Variants in NEB observed in about 807,000 individuals in gnomAD.
The protein encoded by NEB is nemaline myopathy type 2.
Under a neutral mutation model 952.2 loss-of-function variants are expected in NEB, and 512 were observed. The observed-to-expected ratio is 0.54, with a 90% confidence interval of 0.50 to 0.58. The LOEUF (loss-of-function observed/expected upper bound fraction) is 0.58, where lower values mean the gene tolerates loss of function less well. Among genes scored for constraint, NEB ranks in the 20% least tolerant of loss-of-function variants. The pLI, the probability that NEB is intolerant of heterozygous loss-of-function variation, is 0.00. For synonymous variants in NEB, 2,900 were observed against 3,149.8 expected (o/e 0.92, Z 2.66); for missense variants, 8,428 against 9,231.1 (o/e 0.91, Z 3.56).
intron 34 of NEB, 83 bp from the exon 35 acceptor site, chr2:151,675,474 C>G (rs1411229696): frequency 1.1e-6 from 1 of 901,062 alleles, no homozygotes; most frequent in African/African-American, 1.7e-5. Context: ...AGCACAATCA[C>G]CCATGATTTT....
Position 151,643,248 on chromosome 2 carries a change from G to A in NEB, c.8062C>T (p.His2688Tyr), listed in dbSNP as rs1352275751. Residue 2688 changes from histidine to tyrosine, a missense_variant, in exon 58 of 182, where the codon CAT becomes TAT. By Grantham distance (83) the His-to-Tyr change is moderately conservative. Around this residue, in one of 11 missense-constraint regions of NEB, gnomAD observed 1,772 missense variants for 1,960.3 expected, o/e 0.90. Coordinates refer to ENST00000397345, the MANE Select transcript of NEB (RefSeq NM_001164508.2). The stretch of plus-strand genomic sequence containing the variant: ...TGATCTGGGTGCTGACGGTAAACAT[G>A]GTCACTCAAAATCTGGGTGGCTCGT... ...NKRATQILSD[H>Y]VYRQHPDQFK... 6.2e-7 allele frequency: 1 copy of A among 1,613,806 alleles called. No homozygotes were observed.
chr2:151,500,593 CTTTT>C (rs11428843), intron 168 of NEB, among the ~76,000 whole-genome samples: 1 of 118,450 alleles, frequency 8.4e-6, no homozygotes, highest in Non-Finnish European at 1.7e-5. Flanking sequence ...TTCTTTCTTC[CTTTT>C]TTTTTTTTTT....
At chr2:151,682,477 A>T (rs188234435) in intron 29 of NEB, among the ~76,000 whole-genome samples, 185 bp downstream of exon 29, 95 of 152,352 alleles carry the variant, frequency 6.2e-4, no homozygotes, top group African/African-American at 2.2e-3. Flanking sequence ...GGAATGGTTA[A>T]CATAAATGAT....
At chr2:151,488,271 T>A (rs1406557544) in intron 181 of NEB, among the ~76,000 whole-genome samples, 2 of 152,164 alleles carry the variant, frequency 1.3e-5, no homozygotes, top group Non-Finnish European at 2.9e-5. Context: ...TAGAAACATT[T>A]AAAATTTTAT....
intron 135 of NEB, among the ~76,000 whole-genome samples, chr2:151,542,858 C>G (rs1411860401): frequency 2.6e-5 from 4 of 152,112 alleles, no homozygotes; most frequent in African/African-American, 9.7e-5. Flanking sequence ...TATATAACAC[C>G]TACAAGTCTT....
chr2:151,625,425 G>A (rs565866686), intron 71 of NEB, 109 bp downstream of exon 71: 81 of 738,590 alleles, frequency 1.1e-4, no homozygotes, highest in South Asian at 4.4e-4. Flanking sequence ...GGCATAAAAA[G>A]CCAACTAAGC....
intron 30 of NEB, 31 bp downstream of exon 30, chr2:151,680,699 C>G (rs745386924): frequency 7.0e-7 from 1 of 1,423,016 alleles, no homozygotes; most frequent in East Asian, 2.3e-5. Flanking sequence ...TAGTTAACAT[C>G]TATTAACATA....
At chr2:151,514,970 T>G (rs1365669117) in intron 157 of NEB, 42 bp from the exon 158 acceptor site, 4 of 1,287,764 alleles carry the variant, frequency 3.1e-6, no homozygotes, top group Admixed American at 4.1e-5. Flanking sequence ...AAAAAAATCT[T>G]TATTACAATA....
Position 151,675,348 on chromosome 2 carries a change from G to A in NEB, c.3818C>T (p.Thr1273Ile), listed in dbSNP as rs1280875876. ...AAACTGAGGAAGATCAGGACTCATG[G>A]TGTATTTATGTTTCACATCTTCTCC... ...AKGEDVKHKY[T>I]MSPDLPQFLQ... Residue 1273 changes from threonine (T) to isoleucine (I), a missense_variant, in exon 35 of 182, where the codon ACC becomes ATC. Transcript: ENST00000397345. The A allele has an allele frequency of 6.3e-7, 1 of 1,592,134 alleles. No homozygotes were observed. Among genetic ancestry groups the A allele is most frequent in the African/African-American group, 1.3e-5 (1 of 74,780 alleles).
At chr2:151,504,344 C>T (rs1187522207) in intron 165 of NEB, among the ~76,000 whole-genome samples, 1 of 152,064 alleles carries the variant, frequency 6.6e-6, no homozygotes, top group African/African-American at 2.4e-5. Flanking sequence ...TACTCTTCAC[C>T]CAACAAAGCA....
chr2:151,500,890 C>T (rs574547229), intron 168 of NEB, among the ~76,000 whole-genome samples: 15 of 152,098 alleles, frequency 9.9e-5, no homozygotes, highest in African/African-American at 2.2e-4. Context: ...TGAGCCACCA[C>T]GCCTGGCCCC....
chr2:151,620,845 C>T, intron 72 of NEB, 74 bp downstream of exon 72: 1 of 1,183,028 alleles, frequency 8.5e-7, no homozygotes, highest in Admixed American at 2.1e-5. Context: ...TGGATGATGA[C>T]CAAAGAGACA....
rs182862081 is a variant in NEB, at chr2:151,571,194, A to G, written c.17014-593T>C. Among the ~76,000 whole-genome samples, 727 of 152,222 alleles carry G rather than the reference A, an allele frequency of 4.8e-3. 11 individuals are homozygous for G. The East Asian group carries it at 0.048, about 10-fold the overall frequency. On this transcript the variant is annotated intron_variant, in intron 107 of 181. Coordinates refer to ENST00000397345, the MANE Select transcript of NEB (RefSeq NM_001164508.2). ...CTAATTTTGTATTTTTAGTAGAGAC[A>G]GGGTTTCTCCATGTTGGTCAGGCTG...
At chr2:151,618,125 T>G (rs113766142) in intron 74 of NEB, 150 bp downstream of exon 74, 14,890 of 714,030 alleles carry the variant, frequency 0.021, 232 homozygotes, top group Non-Finnish European at 0.027. Flanking sequence ...TTTTGAAGTA[T>G]CACTAAGTAA....
chr2:151,630,129 T>G (rs990823135), intron 67 of NEB, among the ~76,000 whole-genome samples: 1 of 152,198 alleles, frequency 6.6e-6, no homozygotes, highest in Admixed American at 6.5e-5. Flanking sequence ...TAAGAAAAAT[T>G]AAAATATAAC....
intron 124 of NEB, among the ~76,000 whole-genome samples, chr2:151,557,788 T>C (rs1032253279): frequency 3.3e-5 from 5 of 152,168 alleles, no homozygotes; most frequent in Non-Finnish European, 7.4e-5. Flanking sequence ...TCTCAATAGA[T>C]ACAGAAAAGG....
chr2:151,663,443 T>C (rs2099169241), intron 45 of NEB, 105 bp downstream of exon 45: 9 of 1,120,916 alleles, frequency 8.0e-6, no homozygotes, highest in South Asian at 3.4e-5. Context: ...TGTTGGGAAA[T>C]TGCAGATGAA....
intron 161 of NEB, among the ~76,000 whole-genome samples, chr2:151,511,150 G>A (rs2153231421): frequency 6.6e-6 from 1 of 152,306 alleles, no homozygotes; most frequent in Non-Finnish European, 1.5e-5. Context: ...AAAGCAGAAG[G>A]TAAAAGGCTG....
At chr2:151,730,789 T>C (rs112126396) in intron 3 of NEB, among the ~76,000 whole-genome samples, 1 of 152,174 alleles carries the variant, frequency 6.6e-6, no homozygotes, top group Non-Finnish European at 1.5e-5. Context: ...CCATTGTCAG[T>C]AGGCCGCCTG....
Sources: allele counts gnomAD v4.1 joint callset (sites outside exome capture counted in the v4.1 genomes callset), GRCh38; gene constraint gnomAD v4.1.1; regional missense constraint gnomAD v4.1.1; transcripts MANE v1.5; gene names NCBI Gene and HGNC (gene_info 2026-07-23, HGNC 2026-07-21).